The following DCDC1 variants were observed in gnomAD, a reference collection of about 807,000 sequenced individuals.
DCDC1 encodes the protein doublecortin domain containing 1, also known as doublecortin domain-containing protein 1.
Under a neutral mutation model 178.3 loss-of-function variants are expected in DCDC1, and 200 were observed. That is an observed-to-expected ratio of 1.12 (90% CI 1.00 to 1.26). The LOEUF is 1.26. DCDC1 is among the 50% of genes most tolerant of loss of function. The pLI is 0.00. For missense variants in DCDC1, 1,983 were observed against 1,749.2 expected, an observed-to-expected ratio of 1.13 and a Z score of -2.38; for synonymous variants, 690 against 604.8, an observed-to-expected ratio of 1.14 and a Z score of -2.07.
chr11:31,128,199 T>C (rs1269703429), intron 10 of DCDC1, among the ~76,000 whole-genome samples: 1 of 152,062 alleles, frequency 6.6e-6, no homozygotes, highest in South Asian at 2.1e-4. Context: ...TTTTCTAAAA[T>C]GTATATAACT....
At chr11:31,173,196 A>C (rs970869528) in intron 9 of DCDC1, among the ~76,000 whole-genome samples, 3 of 152,250 alleles carry the variant, frequency 2.0e-5, no homozygotes, top group Non-Finnish European at 4.4e-5. Context: ...AAAATCAAAG[A>C]AAGTAAATTT....
At chr11:30,893,490 C>A (rs149496278) in intron 35 of DCDC1, among the ~76,000 whole-genome samples, 4 of 152,272 alleles carry the variant, frequency 2.6e-5, no homozygotes, top group Non-Finnish European at 4.4e-5. Context: ...TGCCAGGCAG[C>A]TTTTTATTCT....
chr11:31,186,918 C>T (rs1969570772), intron 9 of DCDC1, among the ~76,000 whole-genome samples: 1 of 152,172 alleles, frequency 6.6e-6, no homozygotes, highest in Admixed American at 6.5e-5. Flanking sequence ...CCCTCCTCTG[C>T]CTCTCCCATT....
At chr11:30,888,032 G>GAGAGAGAA (rs1943340206) in intron 36 of DCDC1, among the ~76,000 whole-genome samples, 1 of 111,476 alleles carries the variant, frequency 9.0e-6, no homozygotes, top group African/African-American at 3.8e-5. Flanking sequence ...GAGAGAGAGA[G>GAGAGAGAA]AGAAAGAAAG....
rs148175290 is a variant in DCDC1 at position 31,257,513 on chromosome 11, G to C, written c.1054+7994C>G. Among the ~76,000 whole-genome samples, 40 of 143,498 alleles carry C rather than the reference G, an allele frequency of 2.8e-4. 1 individual carries two copies. Among genetic ancestry groups the C allele is most frequent in the African/African-American group, 9.5e-4 (39 of 41,160 alleles). 94.1% of individuals were successfully genotyped at this position (143,498 alleles called of 152,430 possible). A position where few individuals can be genotyped will look rare whatever the true frequency, so the allele number is the denominator to read the frequency against. Reference sequence around the variant, plus strand: ...CAAATCGAGGAATCGGATTCCTGAAGGAATCAAGGAGAAAGTAAAGTGGCT... The same window carrying C: ...CAAATCGAGGAATCGGATTCCTGAACGAATCAAGGAGAAAGTAAAGTGGCT... On this transcript the variant is annotated intron_variant, in intron 8 of 38. Coordinates refer to ENST00000684477, the MANE Select transcript of DCDC1 (RefSeq NM_001387274.1).
chr11:31,355,671 G>A (rs781122922), intron 1 of DCDC1, among the ~76,000 whole-genome samples: 3 of 152,048 alleles, frequency 2.0e-5, no homozygotes, highest in Non-Finnish European at 4.4e-5. Context: ...AGGTTCAAGC[G>A]ATTCTCCTGC....
intron 10 of DCDC1, among the ~76,000 whole-genome samples, chr11:31,130,536 A>C (rs916443875): frequency 3.3e-5 from 5 of 152,160 alleles, no homozygotes; most frequent in African/African-American, 1.2e-4. Context: ...GAGAGCCACA[A>C]ACAACCAGTA....
chr11:31,297,649 T>C (rs1376699767), intron 6 of DCDC1, among the ~76,000 whole-genome samples: 1 of 152,156 alleles, frequency 6.6e-6, no homozygotes, highest in African/African-American at 2.4e-5. Context: ...CCGGCCCCCA[T>C]ACTAGCCATT....
intron 20 of DCDC1, among the ~76,000 whole-genome samples, chr11:30,974,910 T>C (rs1247768063): frequency 6.6e-6 from 1 of 151,934 alleles, no homozygotes; most frequent in Non-Finnish European, 1.5e-5. Context: ...CAGACAAGGA[T>C]GCAACAACAA....
chr11:31,051,206 G>T (rs1198095014), intron 20 of DCDC1, among the ~76,000 whole-genome samples: 1 of 152,098 alleles, frequency 6.6e-6, no homozygotes, highest in Non-Finnish European at 1.5e-5. Flanking sequence ...CAATAGAACT[G>T]AACAAGTAGA....
chr11:31,045,549 T>C (rs1022958079), intron 20 of DCDC1, among the ~76,000 whole-genome samples: 1 of 152,204 alleles, frequency 6.6e-6, no homozygotes, highest in African/African-American at 2.4e-5. Flanking sequence ...GAATTCGTTT[T>C]GTAGCTACGT....
At chr11:31,169,320 C>G (rs541521283) in intron 9 of DCDC1, among the ~76,000 whole-genome samples, 95 of 152,212 alleles carry the variant, frequency 6.2e-4, no homozygotes, top group African/African-American at 2.2e-3. Context: ...TGTAACAAAC[C>G]TGCACATTCT....
chr11:31,037,432 CTT>C (rs398055131), intron 20 of DCDC1, among the ~76,000 whole-genome samples: 2 of 58,920 alleles, frequency 3.4e-5, no homozygotes, highest in South Asian at 5.6e-4. Flanking sequence ...ATATTTCTTT[CTT>C]TTTTTTTTTT....
In DCDC1 at chr11:30,917,385, T is replaced by C. The variant is rs1945920563; in HGVS notation, c.3294-357A>G. On this transcript the variant is annotated intron_variant, in intron 25 of 38. Coordinates refer to ENST00000684477, the MANE Select transcript of DCDC1 (RefSeq NM_001387274.1). ...AATGAGACTCCCTCTCTCTACCCCA[T>C]AATTGGGTCATAATTCTGACTGGAA... Among the ~76,000 whole-genome samples, 2 of 152,268 alleles carry C rather than the reference T, an allele frequency of 1.3e-5. 1 individual carries two copies. The highest frequency in any genetic ancestry group is 6.8e-3 in the Middle Eastern group (2 of 294).
At chr11:31,358,270 C>G (rs1951502816) in intron 1 of DCDC1, among the ~76,000 whole-genome samples, 1 of 152,102 alleles carries the variant, frequency 6.6e-6, no homozygotes, top group Admixed American at 6.5e-5. Context: ...GCAGAGCCCT[C>G]AGAAATAATG....
At chr11:31,136,464 T>C (rs1361236521) in intron 10 of DCDC1, among the ~76,000 whole-genome samples, 1 of 152,090 alleles carries the variant, frequency 6.6e-6, no homozygotes, top group Non-Finnish European at 1.5e-5. Flanking sequence ...AATGTAAGAA[T>C]AGAATTTACA....
chr11:30,984,631 C>T (rs1350714067), intron 20 of DCDC1, among the ~76,000 whole-genome samples: 1 of 152,146 alleles, frequency 6.6e-6, no homozygotes, highest in East Asian at 1.9e-4. Context: ...GTGGGCGTAA[C>T]GTGACGTTCA....
At chr11:31,316,022 A>T (rs1169272177) in intron 3 of DCDC1, among the ~76,000 whole-genome samples, 1 of 77,408 alleles carries the variant, frequency 1.3e-5, no homozygotes, top group South Asian at 3.4e-4. Flanking sequence ...TCCACGGTGT[A>T]TATGTGCCAC....
intron 9 of DCDC1, among the ~76,000 whole-genome samples, chr11:31,218,284 AT>A (rs1206847944): frequency 2.6e-5 from 4 of 152,158 alleles, no homozygotes; most frequent in Non-Finnish European, 5.9e-5. Flanking sequence ...ACACATTGGT[AT>A]AAAATACAAG....
Sources: gnomAD v4.1 joint callset for allele counts (sites outside exome capture counted in the v4.1 genomes callset) on GRCh38, gnomAD v4.1.1 for gene constraint, MANE v1.5 for transcripts, NCBI Gene and HGNC (gene_info 2026-07-23, HGNC 2026-07-21) for gene names.